Variants in KPNA5 observed in about 807,000 individuals in gnomAD.
The protein encoded by KPNA5 is importin subunit alpha-6.
A neutral mutation model predicts 71.3 loss-of-function variants in KPNA5; 46 were observed. The observed-to-expected ratio is 0.65, with a 90% CI of 0.51 to 0.83. The LOEUF is 0.83. Among genes scored for constraint, KPNA5 ranks in the 40% least tolerant of loss-of-function variants. The pLI, the probability that KPNA5 is intolerant of heterozygous loss-of-function variation, is 0.00. For missense variants in KPNA5, 547 were observed against 628.3 expected, an observed-to-expected ratio of 0.87 and a Z score of 1.38; for synonymous variants, 207 against 201.4, an observed-to-expected ratio of 1.03 and a Z score of -0.24.
rs1778406975 is a variant in KPNA5 at position 116,705,519 on chromosome 6, A to C, written c.656+359A>C. Among the ~76,000 whole-genome samples, 4 of 152,340 alleles carry C rather than the reference A, an allele frequency of 2.6e-5. No individual in the cohort carries two copies. In the South Asian group the frequency reaches 8.3e-4, roughly 32 times the overall value. On this transcript the variant is annotated intron_variant, in intron 7 of 13. Coordinates refer to ENST00000368564, the MANE Select transcript of KPNA5 (RefSeq NM_001366306.2). ...TATATTTAGGATGTCAGTATGTTTT[A>C]AATTTTATTAAAAGAACCAAGATTT... is the stretch of plus-strand genomic sequence containing the variant.
At position 116,691,046 on chromosome 6, in the gene KPNA5, T is replaced by C. The variant is rs533919213; in HGVS notation, c.139-1009T>C. Among the ~76,000 whole-genome samples, 8 of 152,232 alleles carry C rather than the reference T, an allele frequency of 5.3e-5. No individual in the cohort carries two copies. In the East Asian group the frequency reaches 1.5e-3, roughly 29 times the overall value. The stretch of plus-strand genomic sequence containing the variant: ...GAGTTTGAGACCAGCCTGACCAACA[T>C]GGTGAAACCCCGTCTCTACTAAAAA... On this transcript the variant is annotated intron_variant, in intron 2 of 13. Coordinates refer to ENST00000368564, the MANE Select transcript of KPNA5 (RefSeq NM_001366306.2).
At chr6:116,698,558 C>T (rs1778112628) in intron 4 of KPNA5, 146 bp from the exon 5 acceptor site, 2 of 526,664 alleles carry the variant, frequency 3.8e-6, no homozygotes, top group Non-Finnish European at 6.7e-6. Context: ...GAAAATTTGA[C>T]TTCAATTACA....
intron 7 of KPNA5, among the ~76,000 whole-genome samples, chr6:116,707,207 A>G (rs1778476905): frequency 6.6e-6 from 1 of 152,104 alleles, no homozygotes; most frequent in African/African-American, 2.4e-5. Flanking sequence ...TCACATTGTA[A>G]TTCACATTTA....
At chr6:116,706,834 T>C (rs1011209139) in intron 7 of KPNA5, among the ~76,000 whole-genome samples, 3 of 151,922 alleles carry the variant, frequency 2.0e-5, no homozygotes, top group African/African-American at 7.3e-5. Flanking sequence ...ATACTCTCTC[T>C]GGAGTTGGGC....
At chr6:116,709,645 A>C (rs2114440578) in intron 7 of KPNA5, among the ~76,000 whole-genome samples, 1 of 152,332 alleles carries the variant, frequency 6.6e-6, no homozygotes, top group South Asian at 2.1e-4. Flanking sequence ...GAAGTGGCAA[A>C]AATGAGTGTC....
chr6:116,704,546 A>G (rs774953782), intron 6 of KPNA5, among the ~76,000 whole-genome samples: 5 of 152,178 alleles, frequency 3.3e-5, no homozygotes, highest in Non-Finnish European at 7.3e-5. Flanking sequence ...ATAGTAAACT[A>G]TGCTCTTTGT....
intron 13 of KPNA5, 62 bp from the exon 14 acceptor site, chr6:116,732,074 T>TATATATATATATATA (rs1554258547): frequency 3.0e-5 from 2 of 66,300 alleles, no homozygotes; most frequent in African/African-American, 6.5e-5. Flanking sequence ...AACAGTTTGT[T>TATATATATATATATA]TATATATATA....
intron 9 of KPNA5, among the ~76,000 whole-genome samples, chr6:116,723,971 C>G (rs1260472343): frequency 6.6e-6 from 1 of 152,076 alleles, no homozygotes; most frequent in Non-Finnish European, 1.5e-5. Flanking sequence ...ATAGCACTTA[C>G]GATATCCCCC....
In KPNA5 at chr6:116,702,247, A is replaced by G. The variant is rs1042899367; in HGVS notation, c.567+97A>G. The G allele has an allele frequency of 5.1e-5, 60 of 1,183,958 alleles. No homozygotes were observed. In the African/African-American group the frequency reaches 8.5e-4, roughly 17 times the overall value. The allele number at this position is 1,183,958 out of a possible 1,614,324, so 73.3% of individuals were successfully genotyped here. The stretch of plus-strand genomic sequence containing the variant: ...GATGTGTAATTCATTTTTGTTTCTA[A>G]TTGCTGTATATTGCATTAAATTGTA... On this transcript the variant is annotated intron_variant, in intron 6 of 13. Transcript: ENST00000368564.
rs1779654330 is a variant in KPNA5, at chr6:116,735,897, AT to A, written c.*3576del. ...AATTACTAATGATTTAAACATGCCA[AT>A]TAAAGTGCAGAGGTTATCAGTTTTA... is the stretch of plus-strand genomic sequence containing the variant. On this transcript the variant is annotated 3_prime_UTR_variant, in exon 14 of 14. Transcript: ENST00000368564. 6.6e-6 allele frequency: 1 copy of A among 151,842 alleles called. No individual in the cohort carries two copies. The highest frequency in any genetic ancestry group is 1.5e-5 in the Non-Finnish European group (1 of 67,794). The allele number at this position is 151,842 out of a possible 1,614,324, so 9.4% of individuals were successfully genotyped here. A position where few individuals can be genotyped will look rare whatever the true frequency, so the allele number is the denominator to read the frequency against.
chr6:116,718,266 CTT>C (rs555910312), intron 8 of KPNA5, among the ~76,000 whole-genome samples: 9 of 138,020 alleles, frequency 6.5e-5, no homozygotes, highest in Admixed American at 1.4e-4. Flanking sequence ...TTTTTTTTTT[CTT>C]TTTTTTTTTT....
intron 5 of KPNA5, among the ~76,000 whole-genome samples, chr6:116,700,111 C>T (rs1029728322): frequency 2.0e-5 from 3 of 152,030 alleles, no homozygotes; most frequent in African/African-American, 4.8e-5. Context: ...GATGAAGGAG[C>T]GTTTGGCAGA....
intron 6 of KPNA5, 117 bp from the exon 7 acceptor site, chr6:116,704,955 G>GTT: frequency 3.2e-6 from 2 of 616,692 alleles, no homozygotes; most frequent in East Asian, 3.0e-5. Flanking sequence ...CTTTTCTACT[G>GTT]TTTTTTTTTA....
chr6:116,710,004 C>A (rs1235025800), intron 7 of KPNA5, among the ~76,000 whole-genome samples: 1 of 152,132 alleles, frequency 6.6e-6, no homozygotes, highest in East Asian at 1.9e-4. Context: ...CGTGATCCGC[C>A]CGCCTCGACC....
intron 6 of KPNA5, among the ~76,000 whole-genome samples, chr6:116,703,324 G>A (rs920520740): frequency 1.3e-5 from 2 of 151,068 alleles, no homozygotes; most frequent in East Asian, 3.9e-4. Flanking sequence ...ATGCAATGGC[G>A]CGATCTCGGC....
chr6:116,700,296 C>A (rs527373526), intron 5 of KPNA5, among the ~76,000 whole-genome samples: 242 of 144,448 alleles, frequency 1.7e-3, no homozygotes, highest in Non-Finnish European at 2.9e-3. Flanking sequence ...AATAGTGAGA[C>A]CTCATCTCTA....
At chr6:116,696,527 A>G (rs1388411146) in intron 4 of KPNA5, among the ~76,000 whole-genome samples, 2 of 152,124 alleles carry the variant, frequency 1.3e-5, no homozygotes, top group Non-Finnish European at 1.5e-5. Context: ...TACTCCTCTG[A>G]CTTAAGTCTG....
At chr6:116,693,712 T>C (rs1182174263) in intron 4 of KPNA5, among the ~76,000 whole-genome samples, 1 of 152,180 alleles carries the variant, frequency 6.6e-6, no homozygotes, top group Non-Finnish European at 1.5e-5. Context: ...TGGTCGTTTC[T>C]TTTGCTGTGC....
At chr6:116,722,390 G>A in intron 9 of KPNA5, 101 bp downstream of exon 9, 1 of 999,334 alleles carries the variant, frequency 1.0e-6, no homozygotes, top group South Asian at 2.5e-5. Flanking sequence ...CTGTCTTCAG[G>A]GAAAATTAAA....
Sources: allele counts gnomAD v4.1 joint callset (sites outside exome capture counted in the v4.1 genomes callset), GRCh38; gene constraint gnomAD v4.1.1; transcripts MANE v1.5; gene names NCBI Gene and HGNC (gene_info 2026-07-23, HGNC 2026-07-21).